The following MSI2 variants were observed in gnomAD, a reference collection of about 807,000 sequenced individuals.
MSI2 encodes the protein RNA-binding protein Musashi homolog 2.
A neutral mutation model predicts 45.6 loss-of-function variants in MSI2; 17 were observed. That is an observed-to-expected ratio of 0.37 (90% confidence interval 0.26 to 0.56). The LOEUF is 0.56. Among genes scored for constraint, MSI2 ranks in the 20% least tolerant of loss-of-function variants. MSI2 has a pLI of 0.77. For synonymous variants in MSI2, 156 were observed against 158.2 expected (o/e 0.99, Z 0.11); for missense variants, 293 against 444.2 (o/e 0.66, Z 3.06).
At chr17:57,317,506 C>CTTTTTTTT (rs921448429) in intron 5 of MSI2, among the ~76,000 whole-genome samples, 3 of 94,576 alleles carry the variant, frequency 3.2e-5, no homozygotes, top group African/African-American at 4.6e-5. Flanking sequence ...TATAGTTTTG[C>CTTTTTTTT]TTTTTTTTTT....
intron 11 of MSI2, among the ~76,000 whole-genome samples, chr17:57,667,157 G>A (rs1020396020): frequency 6.6e-6 from 1 of 152,200 alleles, no homozygotes; most frequent in African/African-American, 2.4e-5. Context: ...CTGCTGGGTG[G>A]TTCAATGCAG....
intron 5 of MSI2, among the ~76,000 whole-genome samples, chr17:57,339,235 G>A (rs187827151): frequency 1.8e-3 from 275 of 152,324 alleles, no homozygotes; most frequent in African/African-American, 6.1e-3. Flanking sequence ...AGGGTGAGTG[G>A]TGGCTTCGCG....
chr17:57,538,388 A>G lies in MSI2; in HGVS notation c.454+8664A>G, dbSNP rs1217835391. Among the ~76,000 whole-genome samples, 8 of 152,148 alleles carry G rather than the reference A, an allele frequency of 5.3e-5. No homozygotes were observed. In the South Asian group the frequency reaches 1.0e-3, roughly 20 times the overall value. On this transcript the variant is annotated intron_variant, in intron 7 of 13. Coordinates refer to ENST00000284073, the MANE Select transcript of MSI2 (RefSeq NM_138962.4). ...TGTACGCTATCCCATCTGTATCTGT[A>G]TATCAGCATGGTATGCTGCAAAGAG...
intron 9 of MSI2, among the ~76,000 whole-genome samples, chr17:57,624,109 G>A (rs965216): frequency 0.13 from 20,195 of 152,182 alleles, 1,844 homozygotes; most frequent in East Asian, 0.42. Flanking sequence ...AAGAAAGCAG[G>A]TATAATTGCA....
chr17:57,616,958 G>A (rs749121466), intron 9 of MSI2, among the ~76,000 whole-genome samples: 4 of 152,238 alleles, frequency 2.6e-5, no homozygotes, highest in Admixed American at 6.5e-5. Context: ...TCAGGCACAT[G>A]AGCTGTCTAG....
intron 6 of MSI2, among the ~76,000 whole-genome samples, chr17:57,460,819 C>T (rs2085212166): frequency 6.6e-6 from 1 of 151,938 alleles, no homozygotes; most frequent in Non-Finnish European, 1.5e-5. Flanking sequence ...GCTTTCTAGG[C>T]AGAAAGCGTG....
intron 6 of MSI2, among the ~76,000 whole-genome samples, chr17:57,490,712 T>C (rs141307307): frequency 0.011 from 1,669 of 152,298 alleles, 18 homozygotes; most frequent in South Asian, 0.024. Context: ...GCGACCATGA[T>C]CTTGGTGAGA....
chr17:57,363,427 G>A (rs11868945), intron 5 of MSI2, among the ~76,000 whole-genome samples: 72,359 of 151,960 alleles, frequency 0.48, 19,947 homozygotes, highest in South Asian at 0.68. Context: ...TTTATGTTAT[G>A]GATATTTTAC....
intron 5 of MSI2, among the ~76,000 whole-genome samples, chr17:57,277,575 C>T (rs1908986058): frequency 6.6e-6 from 1 of 152,192 alleles, no homozygotes; most frequent in African/African-American, 2.4e-5. Context: ...TGGTGGGAAG[C>T]AGTGCTGATT....
At chr17:57,498,923 C>T (rs575929008) in intron 6 of MSI2, among the ~76,000 whole-genome samples, 126 of 131,122 alleles carry the variant, frequency 9.6e-4, no homozygotes, top group African/African-American at 3.4e-3. Context: ...CCCCCTCCCC[C>T]CACCCCACAA....
chr17:57,505,624 C>T (rs2086210691), intron 6 of MSI2, among the ~76,000 whole-genome samples: 1 of 152,104 alleles, frequency 6.6e-6, no homozygotes, highest in South Asian at 2.1e-4. Flanking sequence ...ACTTGGTAGG[C>T]TATTCACTCT....
chr17:57,294,225 G>T (rs2143488707), intron 5 of MSI2, among the ~76,000 whole-genome samples: 1 of 152,230 alleles, frequency 6.6e-6, no homozygotes, highest in Admixed American at 6.5e-5. Context: ...CCAGTGAGTG[G>T]GAAGAGATCC....
intron 6 of MSI2, among the ~76,000 whole-genome samples, chr17:57,434,461 G>T (rs1380314888): frequency 6.6e-6 from 1 of 152,130 alleles, no homozygotes; most frequent in Admixed American, 6.5e-5. Flanking sequence ...ATGCTGTTCT[G>T]TAGATCACTG....
At chr17:57,379,500 T>C (rs1380777479) in intron 5 of MSI2, among the ~76,000 whole-genome samples, 1 of 151,744 alleles carries the variant, frequency 6.6e-6, no homozygotes, top group Non-Finnish European at 1.5e-5. Flanking sequence ...TTTTTTTGCT[T>C]TGTCATCTAT....
intron 6 of MSI2, among the ~76,000 whole-genome samples, chr17:57,417,013 C>A (rs868238172): frequency 1.3e-5 from 2 of 152,138 alleles, no homozygotes; most frequent in African/African-American, 4.8e-5. Flanking sequence ...TAAGCAGAAT[C>A]GCAGTGTGGT....
intron 5 of MSI2, among the ~76,000 whole-genome samples, chr17:57,340,641 G>T (rs1675016696): frequency 6.6e-6 from 1 of 152,268 alleles, no homozygotes; most frequent in African/African-American, 2.4e-5. Context: ...CCCCAGCAAT[G>T]GCCTGTGGTT....
chr17:57,421,083 C>T lies in MSI2; in HGVS notation c.405+19612C>T, dbSNP rs145624468. The stretch of plus-strand genomic sequence containing the variant: ...ATTTTTATACCCCACCCCCTTCTCC[C>T]CTGTTCTGAGGTATAATTTATATCA... On this transcript the variant is annotated intron_variant, in intron 6 of 13. Transcript: ENST00000284073. 2.5e-3 allele frequency among the ~76,000 whole-genome samples: 379 copies of T among 152,206 alleles called. 9 individuals carry two copies. The highest frequency in any genetic ancestry group is 0.023 in the East Asian group (120 of 5,168).
At chr17:57,320,821 G>A (rs192012685) in intron 5 of MSI2, among the ~76,000 whole-genome samples, 6 of 152,212 alleles carry the variant, frequency 3.9e-5, no homozygotes, top group Non-Finnish European at 8.8e-5. Flanking sequence ...GTGTCAGGAA[G>A]GGAGAAAGAA....
At chr17:57,404,883 C>G (rs553758214) in intron 6 of MSI2, among the ~76,000 whole-genome samples, 6 of 152,282 alleles carry the variant, frequency 3.9e-5, no homozygotes, top group African/African-American at 1.2e-4. Flanking sequence ...CACCCCCTCT[C>G]CCCAAGGTTA....
Sources: allele counts gnomAD v4.1 joint callset (sites outside exome capture counted in the v4.1 genomes callset), GRCh38; gene constraint gnomAD v4.1.1; transcripts MANE v1.5; gene names NCBI Gene and HGNC (gene_info 2026-07-23, HGNC 2026-07-21).